The following IQUB variants were observed in gnomAD, a reference collection of about 807,000 sequenced individuals.
IQUB encodes IQ motif and ubiquitin domain containing.
A neutral mutation model predicts 86.4 loss-of-function variants in IQUB; 86 were observed. The observed-to-expected ratio is 1.00, with a 90% CI of 0.84 to 1.19. The LOEUF is 1.19. Among genes scored for constraint, IQUB ranks in the 50% most tolerant of loss-of-function variants. The probability of loss-of-function intolerance (pLI) is 0.00; values close to 1 mark genes in which losing one functional copy is unlikely to be tolerated. For synonymous variants in IQUB, 289 were observed against 304.5 expected, an observed-to-expected ratio of 0.95 and a Z score of 0.53; for missense variants, 946 against 916.9, an observed-to-expected ratio of 1.03 and a Z score of -0.41.
At chr7:123,471,568 A>C (rs1166822088) in intron 8 of IQUB, among the ~76,000 whole-genome samples, 1 of 152,210 alleles carries the variant, frequency 6.6e-6, no homozygotes, top group Non-Finnish European at 1.5e-5. Flanking sequence ...TAACCTTTTT[A>C]TGAAACACCT....
At chr7:123,471,632 T>TC (rs34649365) in intron 8 of IQUB, among the ~76,000 whole-genome samples, 6,794 of 151,640 alleles carry the variant, frequency 0.045, 430 homozygotes, top group African/African-American at 0.14. Context: ...AACTCTGTTT[T>TC]CCCCCCCAAG....
At chr7:123,530,418 G>C (rs1022722096) in intron 1 of IQUB, among the ~76,000 whole-genome samples, 1 of 151,966 alleles carries the variant, frequency 6.6e-6, no homozygotes, top group Non-Finnish European at 1.5e-5. Context: ...CCTGGCGACA[G>C]AGGGAGACTC....
At chr7:123,504,967 A>G (rs1796112206) in intron 3 of IQUB, among the ~76,000 whole-genome samples, 1 of 152,258 alleles carries the variant, frequency 6.6e-6, no homozygotes, top group African/African-American at 2.4e-5. Context: ...AGTTACTTCC[A>G]AGATACAATG....
chr7:123,456,880 A>T (rs1169024387), intron 12 of IQUB: 1 of 152,700 alleles, frequency 6.5e-6, no homozygotes, highest in African/African-American at 2.4e-5. Flanking sequence ...CATCAGTATG[A>T]TTGCTATTTA....
intron 1 of IQUB, among the ~76,000 whole-genome samples, chr7:123,524,856 T>C (rs941823680): frequency 6.6e-5 from 10 of 151,314 alleles, no homozygotes; most frequent in African/African-American, 2.4e-4. Context: ...ATAGCTCTTA[T>C]TATTTTCAGA....
chr7:123,507,780 G>A (rs867960298), intron 3 of IQUB, among the ~76,000 whole-genome samples: 11 of 151,816 alleles, frequency 7.2e-5, no homozygotes, highest in Non-Finnish European at 5.9e-5. Flanking sequence ...GGCTAAGGCA[G>A]GAGAATCACT....
intron 1 of IQUB, among the ~76,000 whole-genome samples, chr7:123,524,345 G>A (rs1797074505): frequency 6.8e-6 from 1 of 147,718 alleles, no homozygotes; most frequent in African/African-American, 2.5e-5. Flanking sequence ...AGCATGGAAT[G>A]TTCTTCCATT....
intron 3 of IQUB, among the ~76,000 whole-genome samples, chr7:123,506,828 G>C (rs930484990): frequency 6.6e-6 from 1 of 152,090 alleles, no homozygotes; most frequent in Admixed American, 6.5e-5. Flanking sequence ...ATTAATTCAT[G>C]CCACGGTAGA....
At position 123,479,905 on chromosome 7, in the gene IQUB, G is replaced by C. The variant is rs762598325; in HGVS notation, c.1300C>G (p.Leu434Val). The change falls in exon 8 of 13, where the codon CTG becomes GTG. Residue 434 changes from leucine (L) to valine (V), a missense_variant. Coordinates refer to ENST00000324698, the MANE Select transcript of IQUB (RefSeq NM_178827.5). ...SFTGAERKAALCELLEKETQI... is the reference protein window; with the variant it reads ...SFTGAERKAAVCELLEKETQI... ...GTCTCTTTTTCCAGAAGTTCACACA[G>C]AGCAGCTTTCCTTTCAGCTCCAGTA... The C allele has an allele frequency of 1.2e-6, 2 of 1,613,046 alleles. No homozygotes were observed. The highest frequency in any genetic ancestry group is 1.7e-6 in the Non-Finnish European group (2 of 1,179,388).
At chr7:123,517,580 A>G (rs920956798) in intron 1 of IQUB, among the ~76,000 whole-genome samples, 1 of 151,230 alleles carries the variant, frequency 6.6e-6, no homozygotes, top group Non-Finnish European at 1.5e-5. Flanking sequence ...ATATCTTTTA[A>G]GACTGTTCAG....
At chr7:123,492,154 C>T (rs940218158) in intron 7 of IQUB, among the ~76,000 whole-genome samples, 1 of 152,038 alleles carries the variant, frequency 6.6e-6, no homozygotes, top group Non-Finnish European at 1.5e-5. Flanking sequence ...TTGGAGTTCC[C>T]AGACTTGAGA....
chr7:123,529,688 C>A (rs1797425566), intron 1 of IQUB, among the ~76,000 whole-genome samples: 1 of 128,068 alleles, frequency 7.8e-6, no homozygotes, highest in Admixed American at 9.4e-5. Flanking sequence ...AGTTGGGAGG[C>A]CAGCCTGGCC....
intron 1 of IQUB, among the ~76,000 whole-genome samples, chr7:123,516,178 A>G (rs529969530): frequency 1.4e-4 from 21 of 152,212 alleles, no homozygotes; most frequent in Non-Finnish European, 2.9e-4. Flanking sequence ...TTCAATAACA[A>G]TAACAATTTT....
chr7:123,461,354 T>C lies in IQUB; in HGVS notation c.2007+3A>G. ...TATAATTGGCACCCCTTATTGACCA[T>C]ACCTGCATCAAGAAAGCAATTTTAG... On this transcript the variant is annotated splice_donor_region_variant and intron_variant, in intron 11 of 12. Coordinates refer to ENST00000324698, the MANE Select transcript of IQUB (RefSeq NM_178827.5). The C allele has an allele frequency of 1.2e-6, 2 of 1,604,506 alleles. No homozygotes were observed. The highest frequency in any genetic ancestry group is 2.2e-5 in the East Asian group (1 of 44,698).
At chr7:123,464,770 T>C in intron 10 of IQUB, 63 bp downstream of exon 10, 1 of 1,154,402 alleles carries the variant, frequency 8.7e-7, no homozygotes, top group Non-Finnish European at 1.2e-6. Context: ...TTGAATATAC[T>C]TCAATTTACT....
intron 8 of IQUB, among the ~76,000 whole-genome samples, chr7:123,474,905 T>C (rs1260892084): frequency 2.0e-5 from 3 of 152,226 alleles, no homozygotes; most frequent in Non-Finnish European, 4.4e-5. Flanking sequence ...CTAAAACATG[T>C]GACCCACAAA....
At chr7:123,469,161 T>G (rs2117016497) in intron 9 of IQUB, 53 bp downstream of exon 9, 2 of 1,216,606 alleles carry the variant, frequency 1.6e-6, no homozygotes, top group Non-Finnish European at 2.2e-6. Flanking sequence ...TTTCATTAAT[T>G]TTTTTTTATT....
intron 10 of IQUB, among the ~76,000 whole-genome samples, chr7:123,463,260 T>C (rs905997233): frequency 6.6e-5 from 10 of 151,736 alleles, no homozygotes; most frequent in Admixed American, 2.6e-4. Context: ...AACATGCATT[T>C]ACCATGTGAT....
intron 8 of IQUB, 41 bp downstream of exon 8, chr7:123,479,753 CT>C (rs1563442372): frequency 2.8e-6 from 4 of 1,411,976 alleles, no homozygotes; most frequent in Middle Eastern, 1.8e-4. Context: ...CATTTTTTAA[CT>C]CAGAATACAT....
Sources: gnomAD v4.1 joint callset for allele counts (sites outside exome capture counted in the v4.1 genomes callset) on GRCh38, gnomAD v4.1.1 for gene constraint, MANE v1.5 for transcripts, NCBI Gene and HGNC (gene_info 2026-07-23, HGNC 2026-07-21) for gene names.